PABPC4L: variants seen among roughly 807,000 people sequenced by gnomAD.
PABPC4L encodes the protein poly(A) binding protein cytoplasmic 4 like.
For synonymous variants in PABPC4L, 169 were observed against 164.1 expected (o/e 1.03, Z -0.23); for missense variants, 452 against 451.4 (o/e 1.00, Z -0.01).
the PABPC4L span, among the ~76,000 whole-genome samples, chr4:134,064,964 T>C: frequency 1.3e-4 from 20 of 152,222 alleles, no homozygotes; most frequent in South Asian, 4.1e-4. Context: ...CCATGGTCTA[T>C]ATGCACCACA....
chr4:134,169,266 A>C, the PABPC4L span, among the ~76,000 whole-genome samples: 3 of 152,022 alleles, frequency 2.0e-5, no homozygotes, highest in South Asian at 2.1e-4. Flanking sequence ...TATGATAAAA[A>C]CTCTCAACAA....
the PABPC4L span, among the ~76,000 whole-genome samples, chr4:134,162,833 G>A: frequency 2.0e-5 from 3 of 151,916 alleles, no homozygotes; most frequent in African/African-American, 7.3e-5. Flanking sequence ...TGTGAGACAA[G>A]GTATAAAGAC....
chr4:134,199,887 G>T lies in PABPC4L; in HGVS notation c.*20C>A. 1 of 1,549,002 alleles carries T rather than the reference G, an allele frequency of 6.5e-7. No individual in the cohort carries two copies. The highest frequency in any genetic ancestry group is 8.7e-7 in the Non-Finnish European group (1 of 1,146,338). ...TCCCACCTGCTGCAGATACTAGCTG[G>T]AAAGGTACGTTTTTCTTTCCTAGTG... On this transcript the variant is annotated 3_prime_UTR_variant, in exon 2 of 2. Coordinates refer to ENST00000421491, the MANE Select transcript of PABPC4L (RefSeq NM_001114734.2).
chr4:133,999,150 C>G, the PABPC4L span, among the ~76,000 whole-genome samples: 2 of 152,058 alleles, frequency 1.3e-5, 1 homozygote, highest in African/African-American at 4.8e-5. Flanking sequence ...ACAAACATAG[C>G]ATAAATATCA....
chr4:134,177,629 C>A, the PABPC4L span, among the ~76,000 whole-genome samples: 2 of 152,056 alleles, frequency 1.3e-5, no homozygotes, highest in African/African-American at 4.8e-5. Flanking sequence ...AGTTCCACTT[C>A]TATGTGAACT....
the PABPC4L span, among the ~76,000 whole-genome samples, chr4:134,063,901 A>G: frequency 2.6e-5 from 4 of 152,040 alleles, no homozygotes; most frequent in African/African-American, 9.7e-5. Context: ...TTGCTTATGA[A>G]CAAACTTGTA....
the PABPC4L span, among the ~76,000 whole-genome samples, chr4:134,015,260 T>C: frequency 6.6e-6 from 1 of 152,154 alleles, no homozygotes; most frequent in Non-Finnish European, 1.5e-5. Flanking sequence ...TTCCCCCGTT[T>C]TACCTGTCCT....
At chr4:134,168,268 G>A in the PABPC4L span, among the ~76,000 whole-genome samples, 5 of 151,806 alleles carry the variant, frequency 3.3e-5, no homozygotes, top group East Asian at 1.9e-4. Context: ...ATGGGATACA[G>A]AAAAAGCAGT....
At chr4:134,030,229 G>A in the PABPC4L span, among the ~76,000 whole-genome samples, 1 of 152,150 alleles carries the variant, frequency 6.6e-6, no homozygotes, top group Non-Finnish European at 1.5e-5. Flanking sequence ...AGCGACTTTG[G>A]AACTGGGTAA....
the PABPC4L span, among the ~76,000 whole-genome samples, chr4:134,034,645 A>T: frequency 6.6e-6 from 1 of 152,126 alleles, no homozygotes; most frequent in Admixed American, 6.6e-5. Context: ...ATTCAAGACC[A>T]GTGGAGGAAG....
At chr4:134,067,516 C>G in the PABPC4L span, among the ~76,000 whole-genome samples, 6 of 152,012 alleles carry the variant, frequency 3.9e-5, no homozygotes, top group Non-Finnish European at 8.8e-5. Context: ...TTTTCCACAA[C>G]TTAATTTCCT....
the PABPC4L span, among the ~76,000 whole-genome samples, chr4:134,075,280 G>T: frequency 6.6e-6 from 1 of 152,084 alleles, no homozygotes; most frequent in African/African-American, 2.4e-5. Flanking sequence ...TAGAAAAGGA[G>T]AACATATTGT....
the PABPC4L span, among the ~76,000 whole-genome samples, chr4:134,169,003 T>G: frequency 6.6e-6 from 1 of 152,196 alleles, no homozygotes; most frequent in Admixed American, 6.5e-5. Flanking sequence ...AACAAACTGT[T>G]GTTGGTTTGG....
At chr4:134,129,098 A>G in the PABPC4L span, among the ~76,000 whole-genome samples, 44 of 152,260 alleles carry the variant, frequency 2.9e-4, no homozygotes, top group African/African-American at 1.0e-3. Flanking sequence ...TATAATGATA[A>G]AAGGACTAGT....
At chr4:134,083,541 G>T in the PABPC4L span, among the ~76,000 whole-genome samples, 4 of 152,104 alleles carry the variant, frequency 2.6e-5, no homozygotes, top group Non-Finnish European at 5.9e-5. Context: ...CTGAAGGCAG[G>T]TTTCCGCAGC....
At chr4:134,101,769 C>T in the PABPC4L span, among the ~76,000 whole-genome samples, 87 of 151,346 alleles carry the variant, frequency 5.7e-4, 1 homozygote, top group Admixed American at 1.5e-3. Context: ...TCAGTGTGTG[C>T]GTGGATAAAG....
chr4:134,109,425 TGAGA>T, the PABPC4L span, among the ~76,000 whole-genome samples: 2 of 150,578 alleles, frequency 1.3e-5, no homozygotes, highest in African/African-American at 4.9e-5. Context: ...AAGAAAAAAA[TGAGA>T]GAAATGACAG....
chr4:134,103,479 G>C, the PABPC4L span, among the ~76,000 whole-genome samples: 1 of 151,500 alleles, frequency 6.6e-6, no homozygotes, highest in African/African-American at 2.4e-5. Context: ...TCCTCACATG[G>C]TTCCCGTTTG....
the PABPC4L span, among the ~76,000 whole-genome samples, chr4:133,964,640 C>T: frequency 1.3e-5 from 2 of 151,920 alleles, no homozygotes; most frequent in African/African-American, 2.4e-5. Context: ...GGGTTTCATA[C>T]CAGGGATGCA....
Sources: allele counts gnomAD v4.1 joint callset (sites outside exome capture counted in the v4.1 genomes callset), GRCh38; gene constraint gnomAD v4.1.1; transcripts MANE v1.5; gene names NCBI Gene and HGNC (gene_info 2026-07-23, HGNC 2026-07-21).